The following CANT1 variants were observed in gnomAD, a reference collection of about 807,000 sequenced individuals.
CANT1 encodes calcium activated nucleotidase 1.
CANT1 carries 26 observed loss-of-function variants against 30.0 expected under a neutral mutation model. That is an observed-to-expected ratio of 0.87 (90% CI 0.64 to 1.20). CANT1 has a LOEUF of 1.20. CANT1 is among the 50% of genes most tolerant of loss of function. CANT1 has a pLI of 0.00. For missense variants in CANT1, 518 were observed against 563.0 expected (o/e 0.92, Z 0.81); for synonymous variants, 246 against 251.8 (o/e 0.98, Z 0.22).
Position 78,997,871 on chromosome 17 carries a change from A to G in CANT1, c.-54T>C, listed in dbSNP as rs1377410014. ...TCGGCAAGACGTGAAGTCTTTCCAC[A>G]GCAAAATTACTCCATCTCCCCTGTC... On this transcript the variant is annotated 5_prime_UTR_variant, in exon 2 of 5. Transcript: ENST00000392446. This position sits in a 1 kb window ranked among gnomAD's most constrained non-coding sequence, Gnocchi z 7.5. 1.1e-5 allele frequency: 5 copies of G among 436,168 alleles called. No homozygotes were observed. Among genetic ancestry groups the G allele is most frequent in the African/African-American group, 8.0e-5 (4 of 50,272 alleles). The allele number at this position is 436,168 out of a possible 1,614,324, so 27.0% of individuals were successfully genotyped here.
At position 79,002,391 on chromosome 17, in the gene CANT1, C is replaced by G. The variant is rs959049816; in HGVS notation, c.-146-4428G>C. Among the ~76,000 whole-genome samples the G allele has an allele frequency of 6.6e-6, 1 of 152,220 alleles. No individual in the cohort carries two copies. The highest frequency in any genetic ancestry group is 1.5e-5 in the Non-Finnish European group (1 of 68,036). ...CTCACTCACTCTACAAGTACCCTCTCGCCTGCTGGGAGGGTTGCAAACTAC... is the reference window on the plus strand; with the variant it reads ...CTCACTCACTCTACAAGTACCCTCTGGCCTGCTGGGAGGGTTGCAAACTAC... On this transcript the variant is annotated intron_variant, in intron 1 of 4. Coordinates refer to ENST00000392446, the MANE Select transcript of CANT1 (RefSeq NM_001159773.2). The surrounding 1 kb of genome is among the most constrained non-coding windows in gnomAD (Gnocchi z 4.0).
chr17:78,995,616 C>T lies in CANT1; in HGVS notation c.632-395G>A, dbSNP rs559363687. On this transcript the variant is annotated intron_variant, in intron 3 of 4. Transcript: ENST00000392446. This position sits in a 1 kb window ranked among gnomAD's most constrained non-coding sequence, Gnocchi z 5.7. ...CGAGCATCACTCTAACTCCAGTGGC[C>T]GGAGAGGGGCTTGGTGCTGGGGCTC... Among the ~76,000 whole-genome samples, 116 of 152,324 alleles carry T rather than the reference C, an allele frequency of 7.6e-4. No individual in the cohort carries two copies. Among genetic ancestry groups the T allele is most frequent in the African/African-American group, 2.6e-3 (110 of 41,582 alleles).
chr17:79,003,166 G>A (rs1568042605), intron 1 of CANT1, among the ~76,000 whole-genome samples: 1 of 152,180 alleles, frequency 6.6e-6, no homozygotes, highest in Non-Finnish European at 1.5e-5. Context: ...CAGGGCCTCA[G>A]CCACCTTTGG....
rs1568048976 is a variant in CANT1, at chr17:79,008,535, T to C, written c.-147+1129A>G. Among the ~76,000 whole-genome samples the C allele has an allele frequency of 6.6e-6, 1 of 152,308 alleles. No homozygotes were observed. Among genetic ancestry groups the C allele is most frequent in the Middle Eastern group, 3.4e-3 (1 of 294 alleles). On this transcript the variant is annotated intron_variant, in intron 1 of 4. Transcript: ENST00000392446. This position sits in a 1 kb window ranked among gnomAD's most constrained non-coding sequence, Gnocchi z 4.4. ...GTTGAAAATGTGGTAGGAAAGGCCA[T>C]AGGGCATACAACCTCAAGAATAAAA...
chr17:79,006,397 G>A (rs2071553318), intron 1 of CANT1, among the ~76,000 whole-genome samples: 1 of 151,956 alleles, frequency 6.6e-6, no homozygotes, highest in South Asian at 2.1e-4. Flanking sequence ...CTACTTTAAG[G>A]CCGGCTGATC....
Position 79,002,751 on chromosome 17 carries a change from C to T in CANT1, c.-146-4788G>A, listed in dbSNP as rs1259512103. On this transcript the variant is annotated intron_variant, in intron 1 of 4. Transcript: ENST00000392446. This position sits in a 1 kb window ranked among gnomAD's most constrained non-coding sequence, Gnocchi z 4.0. ...CTGACAGAATAATTTTTCCAAAAAG[C>T]AAGTCTGGATTCCAAGTCTAGTAGA... is the stretch of plus-strand genomic sequence containing the variant. Among the ~76,000 whole-genome samples the T allele has an allele frequency of 6.6e-6, 1 of 152,230 alleles. No individual in the cohort carries two copies. The highest frequency in any genetic ancestry group is 1.5e-5 in the Non-Finnish European group (1 of 68,042).
chr17:78,997,152 G>A lies in CANT1; in HGVS notation c.471C>T (p.His157=), dbSNP rs769680184. ...CCATGCCTCTCCCCTTCTCCGCCAGGTGGGACTCCAGGACCCCATGGTCTT... is the reference window on the plus strand; with the variant it reads ...CCATGCCTCTCCCCTTCTCCGCCAGATGGGACTCCAGGACCCCATGGTCTT... ...WDKDHGVLES[H]LAEKGRGMEL... Residue 157 remains histidine, a synonymous_variant, in exon 3 of 5, where the codon CAC becomes CAT. Coordinates refer to ENST00000392446, the MANE Select transcript of CANT1 (RefSeq NM_001159773.2). This position sits in a 1 kb window ranked among gnomAD's most constrained non-coding sequence, Gnocchi z 7.5. The A allele has an allele frequency of 2.5e-6, 4 of 1,614,012 alleles. No homozygotes were observed. Among genetic ancestry groups the A allele is most frequent in the Non-Finnish European group, 3.4e-6 (4 of 1,180,066 alleles).
intron 1 of CANT1, among the ~76,000 whole-genome samples, chr17:79,007,275 C>T (rs4789848): frequency 0.18 from 27,609 of 152,168 alleles, 2,860 homozygotes; most frequent in East Asian, 0.4. Flanking sequence ...ATAAAAGTTT[C>T]TAATTCCCTT....
chr17:78,993,532 C>T lies in CANT1; in HGVS notation c.*18G>A. 2 of 1,614,140 alleles carry T rather than the reference C, an allele frequency of 1.2e-6. No individual in the cohort carries two copies. The highest frequency in any genetic ancestry group is 1.7e-4 in the Middle Eastern group (1 of 6,056). ...AAAGCTGAGTCCTGATGGCCTTGCT[C>T]AGTGTTTCCGTTTTGAGTTAAATGA... is the stretch of plus-strand genomic sequence containing the variant. On this transcript the variant is annotated 3_prime_UTR_variant, in exon 5 of 5. Transcript: ENST00000392446. This position sits in a 1 kb window ranked among gnomAD's most constrained non-coding sequence, Gnocchi z 4.5.
At position 78,993,257 on chromosome 17, in the gene CANT1, A is replaced by G. The variant is rs981279895; in HGVS notation, c.*293T>C. The stretch of plus-strand genomic sequence containing the variant: ...TGAACAAAAGAACATAGGAAAGAAA[A>G]GAAACGAGGTCGGATGGAAGAAACG... On this transcript the variant is annotated 3_prime_UTR_variant, in exon 5 of 5. Transcript: ENST00000392446. The surrounding 1 kb of genome is among the most constrained non-coding windows in gnomAD (Gnocchi z 4.5). 1.9e-5 allele frequency: 9 copies of G among 483,404 alleles called. No individual in the cohort carries two copies. The highest frequency in any genetic ancestry group is 1.5e-4 in the African/African-American group (8 of 51,994). The allele number at this position is 483,404 out of a possible 1,614,324, so 29.9% of individuals were successfully genotyped here. A position where few individuals can be genotyped will look rare whatever the true frequency, so the allele number is the denominator to read the frequency against.
chr17:79,006,228 T>G (rs1248320843), intron 1 of CANT1: 1 of 152,272 alleles, frequency 6.6e-6, no homozygotes. Flanking sequence ...GCACCCACAT[T>G]CCCTGCCTGG....
chr17:79,005,279 G>C (rs992658791), intron 1 of CANT1: 1 of 151,908 alleles, frequency 6.6e-6, no homozygotes, highest in African/African-American at 2.4e-5. Context: ...AGGGAGCGGG[G>C]AGTTAGGGAA....
At chr17:78,994,993 G>A (rs2070978964) in intron 4 of CANT1, 25 bp downstream of exon 4, 1 of 1,548,900 alleles carries the variant, frequency 6.5e-7, no homozygotes, top group Admixed American at 1.9e-5. Context: ...AAGCCACACT[G>A]TGGGCTGGGG....
chr17:79,006,250 C>T (rs2071546483), intron 1 of CANT1: 1 of 152,394 alleles, frequency 6.6e-6, no homozygotes, highest in African/African-American at 2.4e-5. Context: ...GGCCCCTCCT[C>T]CCCCTCCAAA....
chr17:78,995,133 C>T lies in CANT1; in HGVS notation c.720G>A (p.Val240=), dbSNP rs2070987261. ...TCACCCACTCCGGGTTCTCGTTCAC[C>T]ACATCACCCGTAGTGGTCGTCCACT... The part of the protein sequence containing the change: ...GKEWTTTTGD[V]VNENPEWVKV... The change falls in exon 4 of 5, where the codon GTG becomes GTA. Residue 240 remains valine (V), a synonymous_variant. Coordinates refer to ENST00000392446, the MANE Select transcript of CANT1 (RefSeq NM_001159773.2). The surrounding 1 kb of genome is among the most constrained non-coding windows in gnomAD (Gnocchi z 5.7). The T allele has an allele frequency of 2.5e-6, 4 of 1,613,950 alleles. No homozygotes were observed. The highest frequency in any genetic ancestry group is 1.1e-5 in the South Asian group (1 of 91,056).
At chr17:78,999,663 T>G (rs1199684707) in intron 1 of CANT1, among the ~76,000 whole-genome samples, 4 of 147,214 alleles carry the variant, frequency 2.7e-5, no homozygotes, top group African/African-American at 5.0e-5. Context: ...TTTTTTTTTT[T>G]TTTTTTGGAG....
At chr17:78,994,191 G>A (rs1046430481) in intron 4 of CANT1, among the ~76,000 whole-genome samples, 5 of 152,016 alleles carry the variant, frequency 3.3e-5, no homozygotes, top group South Asian at 2.1e-4. Context: ...TGGGCTCATC[G>A]GAGCCTCCTC....
chr17:78,993,951 GC>G lies in CANT1; in HGVS notation c.836-32del. On this transcript the variant is annotated intron_variant, in intron 4 of 4. Transcript: ENST00000392446. The surrounding 1 kb of genome is among the most constrained non-coding windows in gnomAD (Gnocchi z 4.5). ...AACCGGGTGACCGCGGGTCAGACAC[GC>G]ATGCGGCCTGGTGTGCCCAGCCCCA... The G allele has an allele frequency of 6.5e-7, 1 of 1,545,318 alleles. No individual in the cohort carries two copies. The highest frequency in any genetic ancestry group is 8.7e-7 in the Non-Finnish European group (1 of 1,153,208).
In CANT1 at chr17:78,997,680, C is replaced by T. The variant is rs1464777679; in HGVS notation, c.-22-36G>A. On this transcript the variant is annotated intron_variant, in intron 2 of 4. Transcript: ENST00000392446. The surrounding 1 kb of genome is among the most constrained non-coding windows in gnomAD (Gnocchi z 7.5). ...AGGGAGGGAGGAGAGGAGTCAGCGCCTCCGCAAGCCCAGTCACATCTTAGT... is the reference window on the plus strand; with the variant it reads ...AGGGAGGGAGGAGAGGAGTCAGCGCTTCCGCAAGCCCAGTCACATCTTAGT... 6.7e-7 allele frequency: 1 copy of T among 1,482,788 alleles called. No homozygotes were observed. The highest frequency in any genetic ancestry group is 9.0e-7 in the Non-Finnish European group (1 of 1,113,752). 91.9% of individuals were successfully genotyped at this position (1,482,788 alleles called of 1,614,324 possible). A position where few individuals can be genotyped will look rare whatever the true frequency, so the allele number is the denominator to read the frequency against.
Sources: gnomAD v4.1 joint callset for allele counts (sites outside exome capture counted in the v4.1 genomes callset) on GRCh38, gnomAD v4.1.1 for gene constraint, Gnocchi (gnomAD v3.1) non-coding constraint, MANE v1.5 for transcripts, NCBI Gene and HGNC (gene_info 2026-07-23, HGNC 2026-07-21) for gene names.